The following DLG1 variants were observed in gnomAD, a reference collection of about 807,000 sequenced individuals.
DLG1 encodes the protein discs large MAGUK scaffold protein 1, also known as disks large homolog 1.
Under a neutral mutation model 123.4 loss-of-function variants are expected in DLG1, and 42 were observed. That is an observed-to-expected ratio of 0.34 (90% CI 0.27 to 0.44). The LOEUF is 0.44. Ranked by LOEUF, DLG1 falls within the 20% of genes least tolerant of loss-of-function variation. The pLI is 1.00. For synonymous variants in DLG1, 317 were observed against 356.2 expected (o/e 0.89, Z 1.24); for missense variants, 942 against 1,082.6 (o/e 0.87, Z 1.82).
chr3:197,190,935 G>A (rs2150225234), intron 5 of DLG1, among the ~76,000 whole-genome samples: 1 of 152,250 alleles, frequency 6.6e-6, no homozygotes, highest in African/African-American at 2.4e-5. Flanking sequence ...GCGTGAACCC[G>A]GGAGGCGGAG....
At position 197,042,985 on chromosome 3, in the gene DLG1, A is replaced by G. The variant is rs1196336077; in HGVS notation, c.*1638T>C. On this transcript the variant is annotated 3_prime_UTR_variant, in exon 25 of 25. Transcript: ENST00000667157. ...CTCTTCTTCATAAATGGAATGGATAATGTTGATAATTCTTTACAAACCAGT... is the reference window on the plus strand; with the variant it reads ...CTCTTCTTCATAAATGGAATGGATAGTGTTGATAATTCTTTACAAACCAGT... 3 of 152,194 alleles carry G rather than the reference A, an allele frequency of 2.0e-5. No individual in the cohort carries two copies. Among genetic ancestry groups the G allele is most frequent in the Non-Finnish European group, 4.4e-5 (3 of 68,040 alleles). The allele number at this position is 152,194 out of a possible 1,614,324, so 9.4% of individuals were successfully genotyped here. A position where few individuals can be genotyped will look rare whatever the true frequency, so the allele number is the denominator to read the frequency against.
At chr3:197,150,625 A>C (rs1003827547) in intron 5 of DLG1, among the ~76,000 whole-genome samples, 3 of 152,272 alleles carry the variant, frequency 2.0e-5, no homozygotes, top group African/African-American at 7.2e-5. Flanking sequence ...CCTTTAAACA[A>C]ACTTTAGAAG....
Position 197,195,075 on chromosome 3 carries a change from C to T in DLG1, c.319-486G>A, listed in dbSNP as rs371583999. 1.4e-4 allele frequency among the ~76,000 whole-genome samples: 22 copies of T among 151,788 alleles called. No individual in the cohort carries two copies. The East Asian group carries it at 4.1e-3, about 28-fold the overall frequency. Reference sequence around the variant, plus strand: ...TCTCTCACACACACACACCTCTATGCAATCTATTTCTAAAAAATTACCATA... The same window carrying T: ...TCTCTCACACACACACACCTCTATGTAATCTATTTCTAAAAAATTACCATA... On this transcript the variant is annotated intron_variant, in intron 4 of 24. Transcript: ENST00000667157.
At chr3:197,240,626 G>A (rs1305729978) in intron 4 of DLG1, among the ~76,000 whole-genome samples, 1 of 151,964 alleles carries the variant, frequency 6.6e-6, no homozygotes, top group Non-Finnish European at 1.5e-5. Flanking sequence ...TGATCTCCAA[G>A]ATAACACAGA....
chr3:197,051,384 T>C (rs756464960), intron 24 of DLG1, among the ~76,000 whole-genome samples, 193 bp downstream of exon 24: 85 of 152,110 alleles, frequency 5.6e-4, no homozygotes, highest in Non-Finnish European at 5.7e-4. Context: ...GTCATACCAT[T>C]GCACTCCGCT....
At chr3:197,247,033 C>CA (rs1366176105) in intron 4 of DLG1, among the ~76,000 whole-genome samples, 2 of 152,206 alleles carry the variant, frequency 1.3e-5, no homozygotes, top group East Asian at 3.8e-4. Context: ...ATTTGATCTG[C>CA]AGTCCCATAG....
Position 197,085,654 on chromosome 3 carries a change from A to G in DLG1, c.1764T>C (p.Asp588=), listed in dbSNP as rs749544259. 80 of 1,613,894 alleles carry G rather than the reference A, an allele frequency of 5.0e-5. No homozygotes were observed. The highest frequency in any genetic ancestry group is 1.7e-5 in the Admixed American group (1 of 59,984). The change falls in exon 16 of 25, where the codon GAT becomes GAC. Residue 588 remains aspartate (D), a synonymous_variant. Transcript: ENST00000667157. ...TAACCTGCCTGGCTTGCCACCATTC[A>G]TCATCAGAAGCATTAATAACATGGA... ...DILHVINASD[D]EWWQARQVTP...
intron 16 of DLG1, among the ~76,000 whole-genome samples, chr3:197,084,726 C>T (rs562015099): frequency 6.8e-6 from 1 of 147,594 alleles, no homozygotes; most frequent in Non-Finnish European, 1.5e-5. Flanking sequence ...TTTATTTTTT[C>T]AGTTCTGGTG....
At position 197,116,028 on chromosome 3, in the gene DLG1, C is replaced by A. The variant is rs764837654; in HGVS notation, c.1342G>T (p.Val448Leu). Residue 448 changes from valine to leucine, a missense_variant, in exon 13 of 25, where the codon GTA becomes TTA. Transcript: ENST00000667157. ...ATTCCTTCTCCATCTTCTCCTCCTA[C>A]AATGTTGAAACCAAGGCCCGTTGAG... ...RGSTGLGFNI[V>L]GGEDGEGIFI... The A allele has an allele frequency of 6.2e-7, 1 of 1,613,462 alleles. No individual in the cohort carries two copies. The highest frequency in any genetic ancestry group is 1.1e-5 in the South Asian group (1 of 90,930).
At chr3:197,287,509 T>C (rs903026201) in intron 3 of DLG1, among the ~76,000 whole-genome samples, 1 of 151,932 alleles carries the variant, frequency 6.6e-6, no homozygotes, top group Non-Finnish European at 1.5e-5. Flanking sequence ...AACCCAACCA[T>C]ATATATATAT....
intron 4 of DLG1, among the ~76,000 whole-genome samples, chr3:197,208,617 C>T (rs1362131176): frequency 1.4e-5 from 2 of 144,518 alleles, no homozygotes; most frequent in African/African-American, 4.9e-5. Context: ...ATAGAAAAAA[C>T]TCCAGAATAT....
chr3:197,282,165 T>G (rs1032283596), intron 4 of DLG1, among the ~76,000 whole-genome samples: 4 of 152,206 alleles, frequency 2.6e-5, no homozygotes, highest in Non-Finnish European at 5.9e-5. Flanking sequence ...TTATGAATAC[T>G]CAAAGAAATA....
In DLG1 at chr3:197,069,293, CAG is replaced by C; in HGVS notation, c.2006-35_2006-34del. On this transcript the variant is annotated intron_variant, in intron 18 of 24. Coordinates refer to ENST00000667157, the MANE Select transcript of DLG1 (RefSeq NM_001366207.1). ...TGCAGGACAATGAAAAAAAATAAAA[CAG>C]TGTCATGAGTTTAAAAAGCAAATAA... 4.0e-6 allele frequency: 6 copies of C among 1,499,358 alleles called. 1 individual carries two copies. In the South Asian group the frequency reaches 6.2e-5, roughly 15 times the overall value. 92.9% of individuals were successfully genotyped at this position (1,499,358 alleles called of 1,614,324 possible).
At chr3:197,291,300 T>TAC (rs33920543) in intron 3 of DLG1, among the ~76,000 whole-genome samples, 33,329 of 142,962 alleles carry the variant, frequency 0.23, 3,936 homozygotes, top group Non-Finnish European at 0.27. Context: ...CCTACAAAGT[T>TAC]ACACACACAC....
chr3:197,107,871 A>AGCAGATACC (rs1050178720), intron 13 of DLG1, among the ~76,000 whole-genome samples: 1 of 151,496 alleles, frequency 6.6e-6, no homozygotes, highest in African/African-American at 2.4e-5. Context: ...AAGTAGGAAG[A>AGCAGATACC]GCAGATACCC....
chr3:197,240,562 T>C (rs898836776), intron 4 of DLG1, among the ~76,000 whole-genome samples: 1 of 152,172 alleles, frequency 6.6e-6, no homozygotes, highest in African/African-American at 2.4e-5. Context: ...AATGAGATAG[T>C]GATCTATGAG....
chr3:197,247,864 C>T (rs1752515733), intron 4 of DLG1, among the ~76,000 whole-genome samples: 1 of 152,134 alleles, frequency 6.6e-6, no homozygotes, highest in Non-Finnish European at 1.5e-5. Flanking sequence ...TGCCTTCCCT[C>T]TCCCTAGAGG....
chr3:197,185,970 T>A (rs193300453), intron 5 of DLG1, among the ~76,000 whole-genome samples: 81 of 152,306 alleles, frequency 5.3e-4, no homozygotes, highest in African/African-American at 1.9e-3. Context: ...GGGTACAATC[T>A]AAAGTTGACA....
chr3:197,296,348 A>G lies in DLG1; in HGVS notation c.149T>C (p.Ile50Thr). The change falls in exon 3 of 25, where the codon ATA (isoleucine) becomes ACA (threonine). Residue 50 changes from isoleucine to threonine, a missense_variant and splice_region_variant. Coordinates refer to ENST00000667157, the MANE Select transcript of DLG1 (RefSeq NM_001366207.1). ...AGTTACGAAGTTTTAATTCCCACCTATTAAAGCCTGAAAGAGGTTGCTCTG... is the reference window on the plus strand; with the variant it reads ...AGTTACGAAGTTTTAATTCCCACCTGTTAAAGCCTGAAAGAGGTTGCTCTG... ...IFQSNLFQAL[I>T]DIQEFYEVTL... 1 of 1,613,180 alleles carries G rather than the reference A, an allele frequency of 6.2e-7. No homozygotes were observed. Among genetic ancestry groups the G allele is most frequent in the Non-Finnish European group, 8.5e-7 (1 of 1,179,312 alleles).
Sources: gnomAD v4.1 joint callset for allele counts (sites outside exome capture counted in the v4.1 genomes callset) on GRCh38, gnomAD v4.1.1 for gene constraint, MANE v1.5 for transcripts, NCBI Gene and HGNC (gene_info 2026-07-23, HGNC 2026-07-21) for gene names.